RIT2: variants seen among roughly 807,000 people sequenced by gnomAD.
RIT2 encodes the protein GTP-binding protein Rit2.
In RIT2, 24 loss-of-function variants were observed where a neutral mutation model predicts 23.7. That is an observed-to-expected ratio of 1.01 (90% confidence interval 0.73 to 1.43). The LOEUF is 1.43. RIT2 is among the 40% of genes most tolerant of loss of function. The pLI is 0.00. For missense variants in RIT2, 236 were observed against 266.9 expected (o/e 0.88, Z 0.81); for synonymous variants, 107 against 91.1 (o/e 1.17, Z -0.99).
intron 1 of RIT2, among the ~76,000 whole-genome samples, chr18:43,040,204 G>C (rs537727961): frequency 4.6e-5 from 7 of 152,296 alleles, no homozygotes; most frequent in Admixed American, 1.3e-4. Context: ...GTGAATTCTA[G>C]ATGTGTTTTA....
At chr18:43,042,809 A>G (rs1420256805) in intron 1 of RIT2, among the ~76,000 whole-genome samples, 1 of 152,200 alleles carries the variant, frequency 6.6e-6, no homozygotes, top group African/African-American at 2.4e-5. Context: ...ATTTGCTTAC[A>G]CAGTAATAGT....
chr18:43,053,281 A>G (rs936087688), intron 1 of RIT2, among the ~76,000 whole-genome samples: 1 of 152,038 alleles, frequency 6.6e-6, no homozygotes, highest in African/African-American at 2.4e-5. Flanking sequence ...CTTCATAAAT[A>G]AGGAAATTGA....
At chr18:42,832,933 A>G (rs1354467084) in intron 4 of RIT2, among the ~76,000 whole-genome samples, 1 of 151,802 alleles carries the variant, frequency 6.6e-6, no homozygotes, top group Non-Finnish European at 1.5e-5. Context: ...GCATGCCTGT[A>G]ATCCCAGCTA....
chr18:43,100,101 G>T (rs941173932), intron 1 of RIT2, among the ~76,000 whole-genome samples: 5 of 152,094 alleles, frequency 3.3e-5, no homozygotes, highest in African/African-American at 9.7e-5. Context: ...GAAAGCAATA[G>T]GTGCTATAGA....
At chr18:42,954,652 T>C (rs1156919636) in intron 3 of RIT2, among the ~76,000 whole-genome samples, 1 of 152,104 alleles carries the variant, frequency 6.6e-6, no homozygotes, top group African/African-American at 2.4e-5. Flanking sequence ...GTTTTGATTT[T>C]ATATTTTCCT....
intron 2 of RIT2, among the ~76,000 whole-genome samples, chr18:43,015,432 A>C (rs1911451508): frequency 6.6e-6 from 1 of 151,720 alleles, no homozygotes; most frequent in Non-Finnish European, 1.5e-5. Context: ...TAAGTATAGA[A>C]CATCCAACTA....
intron 3 of RIT2, among the ~76,000 whole-genome samples, chr18:42,971,928 A>G (rs1468690785): frequency 6.6e-6 from 1 of 152,048 alleles, no homozygotes; most frequent in East Asian, 1.9e-4. Context: ...TTGGCTATTC[A>G]TCATTATATT....
At chr18:42,817,696 G>C (rs1906037679) in intron 4 of RIT2, among the ~76,000 whole-genome samples, 1 of 152,122 alleles carries the variant, frequency 6.6e-6, no homozygotes, top group South Asian at 2.1e-4. Flanking sequence ...TTAAATTTGG[G>C]CTTGAAATTT....
intron 2 of RIT2, among the ~76,000 whole-genome samples, chr18:43,026,550 CA>C (rs35695020): frequency 2.8e-4 from 27 of 97,238 alleles, no homozygotes; most frequent in Middle Eastern, 6.3e-3. Context: ...AAGACTCTGT[CA>C]AAAAAAAAAG....
intron 4 of RIT2, among the ~76,000 whole-genome samples, chr18:42,782,749 T>G (rs1304996827): frequency 6.6e-6 from 1 of 152,108 alleles, no homozygotes. Flanking sequence ...AGCCCAAGCT[T>G]AATGTGGCCT....
At chr18:42,743,839 C>T (rs1275183435) in intron 4 of RIT2, 119 bp from the exon 5 acceptor site, 6 of 706,714 alleles carry the variant, frequency 8.5e-6, no homozygotes, top group Admixed American at 2.9e-5. Flanking sequence ...CATCGTATCC[C>T]CTGTGACTTG....
chr18:42,888,829 T>C (rs1226053898), intron 4 of RIT2, among the ~76,000 whole-genome samples: 2 of 152,144 alleles, frequency 1.3e-5, no homozygotes, highest in African/African-American at 4.8e-5. Context: ...AAAAACTGTA[T>C]GTTCTCACTT....
intron 4 of RIT2, among the ~76,000 whole-genome samples, chr18:42,881,042 G>A (rs1292546495): frequency 6.6e-6 from 1 of 151,956 alleles, no homozygotes; most frequent in Non-Finnish European, 1.5e-5. Context: ...CCAACCTCAG[G>A]TGATCCACCC....
chr18:42,985,118 T>C (rs1006165144), intron 2 of RIT2, among the ~76,000 whole-genome samples: 1 of 152,110 alleles, frequency 6.6e-6, no homozygotes, highest in Non-Finnish European at 1.5e-5. Flanking sequence ...TCAACTTATT[T>C]GTGAGTATAA....
At chr18:42,979,741 T>A (rs1910554158) in intron 2 of RIT2, among the ~76,000 whole-genome samples, 1 of 152,154 alleles carries the variant, frequency 6.6e-6, no homozygotes, top group Non-Finnish European at 1.5e-5. Flanking sequence ...GTTCAATATG[T>A]ATTTGAGTAT....
chr18:42,759,507 T>C (rs1913245790), intron 4 of RIT2, among the ~76,000 whole-genome samples: 1 of 152,012 alleles, frequency 6.6e-6, no homozygotes, highest in African/African-American at 2.4e-5. Flanking sequence ...AATAATGGGT[T>C]AAAGAGATGG....
At chr18:43,109,810 A>C (rs763742118) in intron 1 of RIT2, among the ~76,000 whole-genome samples, 1 of 124,050 alleles carries the variant, frequency 8.1e-6, no homozygotes, top group Non-Finnish European at 1.7e-5. Flanking sequence ...TGTTTCATAC[A>C]TATTTCACAT....
chr18:42,749,795 C>T (rs1913004093), intron 4 of RIT2, among the ~76,000 whole-genome samples: 1 of 151,732 alleles, frequency 6.6e-6, no homozygotes, highest in Non-Finnish European at 1.5e-5. Flanking sequence ...AAACATTAGA[C>T]AAAAAATTAA....
intron 1 of RIT2, among the ~76,000 whole-genome samples, chr18:43,081,346 G>A (rs1296470252): frequency 1.3e-5 from 2 of 152,084 alleles, no homozygotes; most frequent in African/African-American, 4.8e-5. Flanking sequence ...CATAATAACT[G>A]TAATGATAAT....
Sources: gnomAD v4.1 joint callset for allele counts (sites outside exome capture counted in the v4.1 genomes callset) on GRCh38, gnomAD v4.1.1 for gene constraint, MANE v1.5 for transcripts, NCBI Gene and HGNC (gene_info 2026-07-23, HGNC 2026-07-21) for gene names.